The following WWOX variants were observed in gnomAD, a reference collection of about 807,000 sequenced individuals.
WWOX encodes WW domain containing oxidoreductase.
Under a neutral mutation model 46.2 loss-of-function variants are expected in WWOX, and 69 were observed. That is an observed-to-expected ratio of 1.49 (90% CI 1.23 to 1.82). WWOX has a LOEUF of 1.82. Ranked by LOEUF, WWOX falls within the 40% of genes most tolerant of loss-of-function variation. The pLI is 0.00. For missense variants in WWOX, 919 were observed against 542.6 expected, an observed-to-expected ratio of 1.69 and a Z score of -6.89; for synonymous variants, 359 against 202.6, an observed-to-expected ratio of 1.77 and a Z score of -6.56.
intron 8 of WWOX, among the ~76,000 whole-genome samples, chr16:78,533,822 C>T (rs139426367): frequency 3.0e-4 from 46 of 152,288 alleles, no homozygotes; most frequent in Admixed American, 4.6e-4. Context: ...TTCTCGTCCT[C>T]GCCCTCAGCA....
At chr16:78,398,472 G>A (rs1388085249) in intron 6 of WWOX, among the ~76,000 whole-genome samples, 1 of 152,158 alleles carries the variant, frequency 6.6e-6, no homozygotes, top group Non-Finnish European at 1.5e-5. Flanking sequence ...CTGGATTCAT[G>A]GATTGCTTGT....
At chr16:78,907,421 C>T (rs1255150400) in intron 8 of WWOX, among the ~76,000 whole-genome samples, 2 of 152,232 alleles carry the variant, frequency 1.3e-5, no homozygotes, top group Non-Finnish European at 2.9e-5. Context: ...TATGTCCACT[C>T]TTTAGCAGAA....
At chr16:78,319,337 T>G (rs1021400820) in intron 5 of WWOX, among the ~76,000 whole-genome samples, 6 of 152,164 alleles carry the variant, frequency 3.9e-5, no homozygotes, top group African/African-American at 1.4e-4. Flanking sequence ...CAAGCTGGAG[T>G]GCAGTGGCGC....
intron 5 of WWOX, among the ~76,000 whole-genome samples, chr16:78,294,715 G>C (rs1339882231): frequency 6.6e-6 from 1 of 152,074 alleles, no homozygotes; most frequent in East Asian, 1.9e-4. Flanking sequence ...TTCCCAGCAG[G>C]AAGGAAGAAA....
At chr16:79,080,660 G>A (rs958673586) in intron 8 of WWOX, among the ~76,000 whole-genome samples, 9 of 152,124 alleles carry the variant, frequency 5.9e-5, no homozygotes, top group African/African-American at 1.4e-4. Flanking sequence ...TCCGGCATCG[G>A]GGTCTTGTTG....
intron 5 of WWOX, among the ~76,000 whole-genome samples, chr16:78,202,986 G>T (rs772481358): frequency 2.0e-5 from 3 of 152,172 alleles, no homozygotes; most frequent in Non-Finnish European, 4.4e-5. Context: ...TTCCTGCACA[G>T]GCTGTCTGCC....
intron 8 of WWOX, among the ~76,000 whole-genome samples, chr16:78,590,297 G>T (rs1256286555): frequency 6.6e-6 from 1 of 152,170 alleles, no homozygotes; most frequent in Non-Finnish European, 1.5e-5. Context: ...CTTCAAAAAG[G>T]CACCACGTTG....
chr16:79,135,591 C>T (rs1374703912), intron 8 of WWOX, among the ~76,000 whole-genome samples: 1 of 152,018 alleles, frequency 6.6e-6, no homozygotes, highest in African/African-American at 2.4e-5. Flanking sequence ...GAGTATATTC[C>T]TAGAAATTCA....
chr16:79,116,360 G>A (rs1448243909), intron 8 of WWOX, among the ~76,000 whole-genome samples: 1 of 152,224 alleles, frequency 6.6e-6, no homozygotes, highest in African/African-American at 2.4e-5. Flanking sequence ...TATCTCAAAA[G>A]TGGAATCAGT....
intron 8 of WWOX, among the ~76,000 whole-genome samples, chr16:78,462,797 T>A (rs952585995): frequency 8.5e-5 from 13 of 152,238 alleles, no homozygotes. Flanking sequence ...TTCCCTTGAT[T>A]AGCTCTGAGA....
intron 8 of WWOX, among the ~76,000 whole-genome samples, chr16:79,195,867 T>C (rs1567610571): frequency 6.6e-6 from 1 of 152,182 alleles, no homozygotes; most frequent in African/African-American, 2.4e-5. Flanking sequence ...GGAAAGAACA[T>C]TTCAGTTTTT....
At chr16:78,306,594 A>G (rs1031120506) in intron 5 of WWOX, among the ~76,000 whole-genome samples, 1 of 152,130 alleles carries the variant, frequency 6.6e-6, no homozygotes. Flanking sequence ...CTCCAGATCA[A>G]AGAGTTGAGA....
At chr16:79,111,643 G>C (rs1250225558) in intron 8 of WWOX, among the ~76,000 whole-genome samples, 2 of 152,174 alleles carry the variant, frequency 1.3e-5, no homozygotes, top group African/African-American at 4.8e-5. Context: ...AAAAAGTCTT[G>C]TAAAAAGGGC....
chr16:78,408,349 C>G (rs535440252), intron 6 of WWOX, among the ~76,000 whole-genome samples: 1 of 152,282 alleles, frequency 6.6e-6, no homozygotes, highest in Non-Finnish European at 1.5e-5. Flanking sequence ...ACCCTCCATT[C>G]TGAGTTAATA....
intron 8 of WWOX, among the ~76,000 whole-genome samples, chr16:78,555,493 C>T (rs2044272037): frequency 6.6e-6 from 1 of 151,780 alleles, no homozygotes; most frequent in African/African-American, 2.4e-5. Flanking sequence ...CTAATGGGGA[C>T]AGTAGCAACA....
At chr16:79,178,728 C>G (rs781399719) in intron 8 of WWOX, among the ~76,000 whole-genome samples, 2 of 152,182 alleles carry the variant, frequency 1.3e-5, no homozygotes, top group Non-Finnish European at 2.9e-5. Flanking sequence ...CTACCTAATG[C>G]TCTTCCTGGA....
intron 8 of WWOX, among the ~76,000 whole-genome samples, chr16:78,755,236 A>G (rs76450156): frequency 3.4e-5 from 1 of 29,782 alleles, no homozygotes; most frequent in South Asian, 2.0e-3. Flanking sequence ...AGTTTCATCA[A>G]AAAAAAAAAA....
intron 8 of WWOX, among the ~76,000 whole-genome samples, chr16:78,672,731 G>T (rs977027414): frequency 9.8e-5 from 15 of 152,340 alleles, no homozygotes; most frequent in Admixed American, 8.5e-4. Context: ...ACCGTTACTG[G>T]TCTGCAGCCC....
chr16:78,831,270 C>T (rs1329825385), intron 8 of WWOX, among the ~76,000 whole-genome samples: 1 of 152,204 alleles, frequency 6.6e-6, no homozygotes, highest in Non-Finnish European at 1.5e-5. Context: ...TTAGCTAGTG[C>T]TTTCAGCAAA....
Sources: allele counts gnomAD v4.1 joint callset (sites outside exome capture counted in the v4.1 genomes callset), GRCh38; gene constraint gnomAD v4.1.1; transcripts MANE v1.5; gene names NCBI Gene and HGNC (gene_info 2026-07-23, HGNC 2026-07-21).